KDM5B: variants seen among roughly 807,000 people sequenced by gnomAD.
The protein encoded by KDM5B is lysine demethylase 5B.
Under a neutral mutation model 193.4 loss-of-function variants are expected in KDM5B, and 144 were observed. That is an observed-to-expected ratio of 0.74 (90% CI 0.65 to 0.86). The LOEUF is 0.86. Ranked by LOEUF, KDM5B falls within the 40% of genes least tolerant of loss-of-function variation. The pLI is 0.00. For synonymous variants in KDM5B, 668 were observed against 682.6 expected (o/e 0.98, Z 0.33); for missense variants, 1,833 against 1,886.9 (o/e 0.97, Z 0.53).
At chr1:202,738,504 T>A (rs1038437074) in intron 20 of KDM5B, among the ~76,000 whole-genome samples, 2 of 152,244 alleles carry the variant, frequency 1.3e-5, no homozygotes, top group African/African-American at 2.4e-5. Flanking sequence ...TGTAATCTCC[T>A]CAAACAATAT....
At chr1:202,765,110 T>C (rs1386748508) in intron 5 of KDM5B, among the ~76,000 whole-genome samples, 3 of 152,254 alleles carry the variant, frequency 2.0e-5, no homozygotes, top group African/African-American at 7.2e-5. Context: ...TAAGTAGTTA[T>C]ATAAATGTCA....
At position 202,767,051 on chromosome 1, in the gene KDM5B, T is replaced by C; in HGVS notation, c.586A>G (p.Lys196Glu). The change falls in exon 5 of 27, where the codon AAG (lysine) becomes GAG (glutamate). Residue 196 changes from lysine to glutamate, a missense_variant. Physicochemically the swap from Lys to Glu is moderately conservative, Grantham distance 56. Around this residue, in one of 3 missense-constraint regions of KDM5B, gnomAD observed 355 missense variants for 374.9 expected, o/e 0.95. Coordinates refer to ENST00000367265, the MANE Select transcript of KDM5B (RefSeq NM_006618.5). ...TTAGTGTCTGTGGTCAGGTTTGGCT[T>C]CTGCAAACACTAGAAATAACAACTG... ...LSGDSLRCLQKPNLTTDTKDK... is the reference protein window; with the variant it reads ...LSGDSLRCLQEPNLTTDTKDK... 1.2e-6 allele frequency: 2 copies of C among 1,609,600 alleles called. No individual in the cohort carries two copies. Among genetic ancestry groups the C allele is most frequent in the Non-Finnish European group, 1.7e-6 (2 of 1,178,996 alleles).
rs566695106 is a variant in KDM5B, at chr1:202,786,184, C to T, written c.205-9090G>A. 6.3e-3 allele frequency among the ~76,000 whole-genome samples: 96 copies of T among 15,350 alleles called. 1 individual carries two copies. Among genetic ancestry groups the T allele is most frequent in the Non-Finnish European group, 0.016 (88 of 5,572 alleles). The allele number at this position is 15,350 out of a possible 152,430, so 10.1% of individuals were successfully genotyped here. On this transcript the variant is annotated intron_variant, in intron 1 of 26. Transcript: ENST00000367265. ...CCAGCTAATTTTTTTTTTTAAGAGACGGGGGGTGGGGGGGGGGGTCTCACT... is the reference window on the plus strand; with the variant it reads ...CCAGCTAATTTTTTTTTTTAAGAGATGGGGGGTGGGGGGGGGGGTCTCACT...
rs79644878 is a variant in KDM5B at position 202,774,717 on chromosome 1, A to G, written c.301T>C (p.Leu101=). 149 of 1,613,252 alleles carry G rather than the reference A, an allele frequency of 9.2e-5. No homozygotes were observed. Among genetic ancestry groups the G allele is most frequent in the Non-Finnish European group, 1.2e-4 (141 of 1,179,636 alleles). ...NELEAQTRVK[L]NFLDQIAKYW... is the part of the protein sequence containing the mutation. ...TTTGCAATCTGGTCCAAGAAATTCA[A>G]TTTTACACGAGTTTGGGCCTAAAAG... The change falls in exon 3 of 27, where the codon TTG becomes CTG. Residue 101 remains leucine, a synonymous_variant. Transcript: ENST00000367265.
At chr1:202,773,348 T>C in intron 3 of KDM5B, 60 bp from the exon 4 acceptor site, 1 of 1,438,720 alleles carries the variant, frequency 7.0e-7, no homozygotes, top group Non-Finnish European at 9.7e-7. Flanking sequence ...CACATCTAAG[T>C]ATGACTCCAA....
intron 16 of KDM5B, among the ~76,000 whole-genome samples, chr1:202,745,046 G>C (rs1655497767): frequency 6.6e-6 from 1 of 152,164 alleles, no homozygotes; most frequent in Non-Finnish European, 1.5e-5. Context: ...CTAACACTAG[G>C]AACAGGAAAG....
chr1:202,735,961 C>T (rs899443088), intron 21 of KDM5B, among the ~76,000 whole-genome samples: 3 of 152,182 alleles, frequency 2.0e-5, no homozygotes, highest in African/African-American at 7.2e-5. Context: ...GTTTAAGAGT[C>T]CAATTTCAAC....
chr1:202,740,403 G>A (rs1337769464), intron 20 of KDM5B, among the ~76,000 whole-genome samples: 1 of 125,818 alleles, frequency 7.9e-6, no homozygotes, highest in African/African-American at 2.7e-5. Flanking sequence ...CGGCCGGGTG[G>A]GGGTCTGACC....
intron 4 of KDM5B, among the ~76,000 whole-genome samples, chr1:202,772,768 C>T (rs1377072216): frequency 6.6e-6 from 1 of 151,996 alleles, no homozygotes; most frequent in Non-Finnish European, 1.5e-5. Flanking sequence ...ACCATCTCGG[C>T]TCACTGCAAC....
In KDM5B at chr1:202,744,718, C is replaced by T. The variant is rs566440017; in HGVS notation, c.2323+1140G>A. 2.6e-5 allele frequency among the ~76,000 whole-genome samples: 4 copies of T among 152,094 alleles called. No homozygotes were observed. The East Asian group carries it at 5.8e-4, about 22-fold the overall frequency. ...TTGGTAGAAGTGTAAATTAGTTCAACGATTGTGGAAGACAGTGTGGTGATT... is the reference window on the plus strand; with the variant it reads ...TTGGTAGAAGTGTAAATTAGTTCAATGATTGTGGAAGACAGTGTGGTGATT... On this transcript the variant is annotated intron_variant, in intron 16 of 26. Transcript: ENST00000367265.
intron 2 of KDM5B, among the ~76,000 whole-genome samples, chr1:202,776,568 T>C (rs1656963162): frequency 6.6e-6 from 1 of 151,994 alleles, no homozygotes; most frequent in South Asian, 2.1e-4. Context: ...TATATATATA[T>C]ATAAAATACA....
chr1:202,756,863 G>C (rs780367888), intron 9 of KDM5B, among the ~76,000 whole-genome samples: 12 of 152,158 alleles, frequency 7.9e-5, no homozygotes, highest in Non-Finnish European at 1.6e-4. Flanking sequence ...CAGTAATAAG[G>C]TTTGTTGTTT....
At chr1:202,804,792 C>G (rs1197638016) in intron 1 of KDM5B, among the ~76,000 whole-genome samples, 2 of 149,590 alleles carry the variant, frequency 1.3e-5, no homozygotes, top group Non-Finnish European at 3.0e-5. Context: ...CATGGATCAC[C>G]TGAGGTCGGG....
chr1:202,749,263 A>T, intron 13 of KDM5B, 124 bp from the exon 14 acceptor site: 2 of 817,356 alleles, frequency 2.4e-6, no homozygotes, highest in Non-Finnish European at 3.7e-6. Context: ...TCATTTACCA[A>T]CCCTAAAACC....
chr1:202,727,410 T>C lies in KDM5B; in HGVS notation c.*1626A>G, dbSNP rs1355785665. 1 of 152,640 alleles carries C rather than the reference T, an allele frequency of 6.6e-6. No homozygotes were observed. The highest frequency in any genetic ancestry group is 2.4e-5 in the African/African-American group (1 of 41,452). The allele number at this position is 152,640 out of a possible 1,614,324, so 9.5% of individuals were successfully genotyped here. On this transcript the variant is annotated 3_prime_UTR_variant, in exon 27 of 27. Transcript: ENST00000367265. Reference sequence around the variant, plus strand: ...AACTGCAGACAACTAGAAGTCATTCTTAAAGAGATTTAATTATTTGAAGTG... The same window carrying C: ...AACTGCAGACAACTAGAAGTCATTCCTAAAGAGATTTAATTATTTGAAGTG...
At chr1:202,739,196 TTG>T (rs2102227225) in intron 20 of KDM5B, among the ~76,000 whole-genome samples, 1 of 152,346 alleles carries the variant, frequency 6.6e-6, no homozygotes, top group Non-Finnish European at 1.5e-5. Context: ...CACTACTTCA[TTG>T]TTAGCTCTTT....
intron 1 of KDM5B, among the ~76,000 whole-genome samples, chr1:202,787,670 G>A (rs979964558): frequency 1.3e-5 from 2 of 151,796 alleles, no homozygotes; most frequent in African/African-American, 2.4e-5. Context: ...GGCGGATCAC[G>A]AGGTCAGTTC....
At chr1:202,788,694 C>A (rs1558514935) in intron 1 of KDM5B, among the ~76,000 whole-genome samples, 1 of 152,246 alleles carries the variant, frequency 6.6e-6, no homozygotes, top group South Asian at 2.1e-4. Context: ...AATTTCAGAT[C>A]CTTCCCCCTA....
At chr1:202,785,053 T>C (rs1390681626) in intron 1 of KDM5B, among the ~76,000 whole-genome samples, 1 of 151,092 alleles carries the variant, frequency 6.6e-6, no homozygotes, top group African/African-American at 2.4e-5. Context: ...AGGACTGTGG[T>C]GAGAACTGAT....
Sources: gnomAD v4.1 joint callset for allele counts (sites outside exome capture counted in the v4.1 genomes callset) on GRCh38, gnomAD v4.1.1 for gene constraint, gnomAD v4.1.1 regional missense constraint, MANE v1.5 for transcripts, NCBI Gene and HGNC (gene_info 2026-07-23, HGNC 2026-07-21) for gene names.